AUTS2: variants seen among roughly 807,000 people sequenced by gnomAD.
The protein encoded by AUTS2 is autism susceptibility gene 2 protein.
AUTS2 carries 17 observed loss-of-function variants against 112.4 expected under a neutral mutation model. The ratio of observed to expected loss-of-function variants is 0.15; its 90% confidence interval spans 0.10 to 0.23. The LOEUF (loss-of-function observed/expected upper bound fraction) is 0.23, where lower values mean the gene tolerates loss of function less well. AUTS2 is among the 10% of genes least tolerant of loss of function. The pLI, the probability that AUTS2 is intolerant of heterozygous loss-of-function variation, is 1.00. For synonymous variants in AUTS2, 751 were observed against 702.7 expected, an observed-to-expected ratio of 1.07 and a Z score of -1.09; for missense variants, 1,510 against 1,701.6, an observed-to-expected ratio of 0.89 and a Z score of 1.98.
At chr7:70,622,199 A>C (rs574328591) in intron 5 of AUTS2, among the ~76,000 whole-genome samples, 144 of 151,942 alleles carry the variant, frequency 9.5e-4, no homozygotes, top group African/African-American at 3.4e-3. Context: ...TGGAGCGGAG[A>C]TGTCCTGGCA....
intron 5 of AUTS2, among the ~76,000 whole-genome samples, chr7:70,578,685 G>A (rs1457151288): frequency 6.6e-6 from 1 of 152,086 alleles, no homozygotes; most frequent in African/African-American, 2.4e-5. Context: ...GTTGAGGAAC[G>A]AGGCCTATTC....
intron 1 of AUTS2, among the ~76,000 whole-genome samples, chr7:69,864,220 T>C (rs1793118695): frequency 6.6e-6 from 1 of 152,218 alleles, no homozygotes; most frequent in Non-Finnish European, 1.5e-5. Context: ...TCTCAGACAT[T>C]CACTTTGTTT....
intron 4 of AUTS2, among the ~76,000 whole-genome samples, chr7:70,424,416 G>C (rs1210393045): frequency 1.9e-4 from 29 of 152,258 alleles, no homozygotes; most frequent in Non-Finnish European, 1.2e-4. Context: ...GAGATGGTAC[G>C]TTATACTGGC....
intron 4 of AUTS2, among the ~76,000 whole-genome samples, chr7:70,341,226 T>G (rs1021964552): frequency 6.6e-6 from 1 of 152,218 alleles, no homozygotes; most frequent in Admixed American, 6.5e-5. Context: ...AATGAACTCT[T>G]CTTACCGGAG....
At chr7:70,253,498 C>T (rs975619264) in intron 4 of AUTS2, among the ~76,000 whole-genome samples, 18 of 152,182 alleles carry the variant, frequency 1.2e-4, no homozygotes, top group Non-Finnish European at 1.8e-4. Flanking sequence ...GTAATTTTTA[C>T]TGTGAATTGC....
At chr7:70,753,286 T>A (rs1788982383) in intron 6 of AUTS2, among the ~76,000 whole-genome samples, 1 of 152,174 alleles carries the variant, frequency 6.6e-6, no homozygotes, top group African/African-American at 2.4e-5. Flanking sequence ...AGGATTTTGC[T>A]TTTAATAGGA....
At chr7:70,108,907 C>T (rs562394932) in intron 2 of AUTS2, among the ~76,000 whole-genome samples, 9 of 151,972 alleles carry the variant, frequency 5.9e-5, no homozygotes, top group Middle Eastern at 3.4e-3. Flanking sequence ...CCACCATGCC[C>T]GGCCCAAATT....
At chr7:70,590,909 GATATTT>G (rs1373817214) in intron 5 of AUTS2, among the ~76,000 whole-genome samples, 2 of 152,028 alleles carry the variant, frequency 1.3e-5, no homozygotes, top group African/African-American at 2.4e-5. Flanking sequence ...TCATTGTATT[GATATTT>G]ATAACACTTC....
chr7:70,243,284 A>T (rs12698881), intron 4 of AUTS2, among the ~76,000 whole-genome samples: 33,394 of 126,896 alleles, frequency 0.26, 3,702 homozygotes, highest in Middle Eastern at 0.39. Flanking sequence ...TGTGTGTATG[A>T]GTATATATAT....
intron 1 of AUTS2, among the ~76,000 whole-genome samples, chr7:69,724,775 G>A (rs537846160): frequency 2.3e-4 from 35 of 152,264 alleles, no homozygotes; most frequent in African/African-American, 7.7e-4. Flanking sequence ...GAATATGGGC[G>A]TGAAAAATGT....
At chr7:70,339,138 C>T (rs1248649720) in intron 4 of AUTS2, among the ~76,000 whole-genome samples, 3 of 152,096 alleles carry the variant, frequency 2.0e-5, no homozygotes, top group Non-Finnish European at 4.4e-5. Flanking sequence ...GCTGGGATTA[C>T]AGGGGTGAGC....
intron 6 of AUTS2, among the ~76,000 whole-genome samples, chr7:70,751,760 G>C (rs1164734649): frequency 6.6e-6 from 1 of 152,134 alleles, no homozygotes; most frequent in African/African-American, 2.4e-5. Flanking sequence ...TCACTCTGTT[G>C]CCAAGGCTGG....
intron 4 of AUTS2, among the ~76,000 whole-genome samples, chr7:70,409,388 G>A (rs984830456): frequency 1.6e-4 from 24 of 152,134 alleles, no homozygotes; most frequent in African/African-American, 5.8e-4. Flanking sequence ...CATAGCAAAT[G>A]TGTGGACATA....
At chr7:70,213,671 A>T (rs910818787) in intron 4 of AUTS2, among the ~76,000 whole-genome samples, 1 of 152,150 alleles carries the variant, frequency 6.6e-6, no homozygotes, top group Non-Finnish European at 1.5e-5. Context: ...CACTGGAATG[A>T]GCTCTAAAAC....
intron 1 of AUTS2, among the ~76,000 whole-genome samples, chr7:69,645,458 G>T (rs1794982707): frequency 6.6e-6 from 1 of 152,174 alleles, no homozygotes; most frequent in Non-Finnish European, 1.5e-5. Flanking sequence ...AGGGCATTGT[G>T]CAATGATGTA....
intron 6 of AUTS2, among the ~76,000 whole-genome samples, chr7:70,720,051 C>G (rs1320665359): frequency 6.6e-6 from 1 of 152,124 alleles, no homozygotes; most frequent in Non-Finnish European, 1.5e-5. Flanking sequence ...ACGTCTCATT[C>G]GTATCTCTTT....
In AUTS2 at chr7:69,844,668, G is replaced by C. The variant is rs142467701; in HGVS notation, c.310-54618G>C. Reference sequence around the variant, plus strand: ...TATTTGACTAAGTGAAACACTCAGGGTTTTTCAAGAACACAAGCTGCACCC... The same window carrying C: ...TATTTGACTAAGTGAAACACTCAGGCTTTTTCAAGAACACAAGCTGCACCC... On this transcript the variant is annotated intron_variant, in intron 1 of 18. Coordinates refer to ENST00000342771, the MANE Select transcript of AUTS2 (RefSeq NM_015570.4). Among the ~76,000 whole-genome samples, 371 of 152,272 alleles carry C rather than the reference G, an allele frequency of 2.4e-3. 1 individual carries two copies. The highest frequency in any genetic ancestry group is 8.4e-3 in the African/African-American group (351 of 41,562).
intron 2 of AUTS2, among the ~76,000 whole-genome samples, chr7:70,101,620 G>A (rs1804499865): frequency 6.6e-6 from 1 of 152,122 alleles, no homozygotes; most frequent in African/African-American, 2.4e-5. Flanking sequence ...GCTTGAACCT[G>A]GGAGGCAGAG....
intron 2 of AUTS2, among the ~76,000 whole-genome samples, chr7:70,089,432 C>T (rs1430142281): frequency 6.6e-6 from 1 of 152,098 alleles, no homozygotes; most frequent in African/African-American, 2.4e-5. Context: ...GCTATTGCAG[C>T]TCACTTTTGA....
Sources: allele counts gnomAD v4.1 joint callset (sites outside exome capture counted in the v4.1 genomes callset), GRCh38; gene constraint gnomAD v4.1.1; transcripts MANE v1.5; gene names NCBI Gene and HGNC (gene_info 2026-07-23, HGNC 2026-07-21).